The following CENPP variants were observed in gnomAD, a reference collection of about 807,000 sequenced individuals.
CENPP encodes centromere protein P.
CENPP carries 24 observed loss-of-function variants against 35.6 expected under a neutral mutation model. The ratio of observed to expected loss-of-function variants is 0.67; its 90% CI spans 0.49 to 0.95. The LOEUF (loss-of-function observed/expected upper bound fraction) is 0.95, where lower values mean the gene tolerates loss of function less well. Ranked by LOEUF, CENPP falls within the 40% of genes least tolerant of loss-of-function variation. CENPP has a pLI of 0.00. For synonymous variants in CENPP, 120 were observed against 125.5 expected, an observed-to-expected ratio of 0.96 and a Z score of 0.29; for missense variants, 332 against 345.3, an observed-to-expected ratio of 0.96 and a Z score of 0.31.
intron 5 of CENPP, among the ~76,000 whole-genome samples, chr9:92,509,167 A>G (rs1847187326): frequency 6.6e-6 from 1 of 151,984 alleles, no homozygotes; most frequent in African/African-American, 2.4e-5. Flanking sequence ...AAAGGCTGTC[A>G]GAAAGCTAGG....
chr9:92,545,536 G>A (rs1239302366), intron 5 of CENPP, among the ~76,000 whole-genome samples: 2 of 80,482 alleles, frequency 2.5e-5, no homozygotes, highest in Admixed American at 1.1e-4. Flanking sequence ...CTCCCGCCCC[G>A]CCGGGCCCCT....
intron 5 of CENPP, among the ~76,000 whole-genome samples, chr9:92,416,209 C>T (rs1843608223): frequency 1.3e-5 from 2 of 151,544 alleles, no homozygotes; most frequent in South Asian, 4.2e-4. Flanking sequence ...AAGCAACTCT[C>T]ATGCCTCGGC....
At chr9:92,556,636 G>T (rs1486117546) in intron 5 of CENPP, among the ~76,000 whole-genome samples, 2 of 152,178 alleles carry the variant, frequency 1.3e-5, no homozygotes, top group Admixed American at 1.3e-4. Flanking sequence ...TGTTTTGTCT[G>T]ATATAAGAAT....
chr9:92,545,610 G>A (rs751621073), intron 5 of CENPP, among the ~76,000 whole-genome samples: 54 of 152,300 alleles, frequency 3.5e-4, no homozygotes, highest in Non-Finnish European at 6.0e-4. Flanking sequence ...CCCACTGACC[G>A]CCCAAGGGCT....
At chr9:92,443,890 T>A (rs1844485489) in intron 5 of CENPP, among the ~76,000 whole-genome samples, 1 of 152,148 alleles carries the variant, frequency 6.6e-6, no homozygotes, top group African/African-American at 2.4e-5. Context: ...CTCAAACTCC[T>A]GACCTCAGGC....
At chr9:92,463,018 G>C (rs1298719060) in intron 5 of CENPP, among the ~76,000 whole-genome samples, 3 of 152,194 alleles carry the variant, frequency 2.0e-5, no homozygotes, top group Non-Finnish European at 1.5e-5. Context: ...CCAGAGAGAA[G>C]ATTGAAGTGT....
intron 5 of CENPP, among the ~76,000 whole-genome samples, chr9:92,526,527 A>G (rs1848419824): frequency 6.6e-6 from 1 of 152,038 alleles, no homozygotes; most frequent in Non-Finnish European, 1.5e-5. Flanking sequence ...AAGAACTAGA[A>G]AAGCAACAGC....
chr9:92,370,366 T>G (rs1243072102), intron 4 of CENPP, among the ~76,000 whole-genome samples: 1 of 152,192 alleles, frequency 6.6e-6, no homozygotes, highest in Non-Finnish European at 1.5e-5. Flanking sequence ...TCCTCTTTGA[T>G]GATTTAGGAA....
intron 4 of CENPP, among the ~76,000 whole-genome samples, chr9:92,376,848 C>T (rs1261638389): frequency 6.6e-6 from 1 of 151,932 alleles, no homozygotes; most frequent in Non-Finnish European, 1.5e-5. Context: ...CGAGACCAGC[C>T]TGGCCAATAT....
Position 92,460,411 on chromosome 9 carries a change from C to T in CENPP, c.564+80552C>T, listed in dbSNP as rs948096314. ...TGGCTAAACAGACAGTGATCTCTAC[C>T]AGGGTCCCTGTGCACATTCTCCAGG... On this transcript the variant is annotated intron_variant, in intron 5 of 7. Coordinates refer to ENST00000375587, the MANE Select transcript of CENPP (RefSeq NM_001012267.3). 11 of 990,032 alleles carry T rather than the reference C, an allele frequency of 1.1e-5. No individual in the cohort carries two copies. The South Asian group carries it at 1.3e-4, about 12-fold the overall frequency. 61.3% of individuals were successfully genotyped at this position (990,032 alleles called of 1,614,324 possible).
chr9:92,585,477 G>A (rs1186207230), intron 5 of CENPP, among the ~76,000 whole-genome samples: 1 of 152,182 alleles, frequency 6.6e-6, no homozygotes, highest in Admixed American at 6.5e-5. Flanking sequence ...GAACGTTCAT[G>A]TGCAAGTCTT....
At chr9:92,591,688 T>C (rs554294346) in intron 5 of CENPP, among the ~76,000 whole-genome samples, 1 of 152,134 alleles carries the variant, frequency 6.6e-6, no homozygotes, top group East Asian at 1.9e-4. Context: ...CACTGTTCTC[T>C]AGGATAAGAT....
chr9:92,570,822 C>T (rs1018890049), intron 5 of CENPP, among the ~76,000 whole-genome samples: 1 of 151,324 alleles, frequency 6.6e-6, no homozygotes, highest in Non-Finnish European at 1.5e-5. Context: ...TGTATGTGTC[C>T]AGGAATTTAT....
intron 5 of CENPP, chr9:92,505,632 G>A (rs1288591747): frequency 1.2e-6 from 2 of 1,609,206 alleles, no homozygotes; most frequent in East Asian, 4.5e-5. Context: ...CTAAAGGATT[G>A]ACATTGGCTT....
chr9:92,565,834 C>A (rs1482087201), intron 5 of CENPP, among the ~76,000 whole-genome samples: 1 of 152,046 alleles, frequency 6.6e-6, no homozygotes, highest in Non-Finnish European at 1.5e-5. Context: ...CCTGAGAAAA[C>A]CTCAAGTTTA....
chr9:92,611,409 C>T lies in CENPP; in HGVS notation c.644+16C>T, dbSNP rs1851243275. 1.2e-6 allele frequency: 2 copies of T among 1,600,958 alleles called. No homozygotes were observed. The highest frequency in any genetic ancestry group is 8.5e-7 in the Non-Finnish European group (1 of 1,172,640). On this transcript the variant is annotated intron_variant, in intron 6 of 7. Transcript: ENST00000375587. ...GCCGGCCAGGGTGAGCCTGCACAGGCCATGGGGCCTCCCATTTCCTGTTCA... is the reference window on the plus strand; with the variant it reads ...GCCGGCCAGGGTGAGCCTGCACAGGTCATGGGGCCTCCCATTTCCTGTTCA...
intron 3 of CENPP, among the ~76,000 whole-genome samples, chr9:92,344,427 TATAATTCAC>T (rs1841218614): frequency 1.3e-5 from 2 of 152,210 alleles, no homozygotes; most frequent in Non-Finnish European, 2.9e-5. Context: ...TCTATTGAGA[TATAATTCAC>T]ATACCATATA....
intron 5 of CENPP, among the ~76,000 whole-genome samples, chr9:92,416,048 A>G (rs1404338630): frequency 0.021 from 2,069 of 96,300 alleles, 30 homozygotes; most frequent in South Asian, 0.068. Context: ...TAAATATATT[A>G]TATATGTGTG....
rs555991473 is a variant in CENPP, at chr9:92,377,523, C to G, written c.468-2240C>G. 2.0e-5 allele frequency among the ~76,000 whole-genome samples: 3 copies of G among 152,280 alleles called. No individual in the cohort carries two copies. In the East Asian group the frequency reaches 5.8e-4, roughly 29 times the overall value. On this transcript the variant is annotated intron_variant, in intron 4 of 7. Transcript: ENST00000375587. ...TAGGGAGTGTGGCAAGGGTATCTTACAGTACTACAAAACGCTCTTAGCCTT... is the reference window on the plus strand; with the variant it reads ...TAGGGAGTGTGGCAAGGGTATCTTAGAGTACTACAAAACGCTCTTAGCCTT...
Sources: allele counts gnomAD v4.1 joint callset (sites outside exome capture counted in the v4.1 genomes callset), GRCh38; gene constraint gnomAD v4.1.1; transcripts MANE v1.5; gene names NCBI Gene and HGNC (gene_info 2026-07-23, HGNC 2026-07-21).